ESR1: variants seen among roughly 807,000 people sequenced by gnomAD.
ESR1 encodes the protein estrogen receptor 1, also known as estrogen receptor.
In ESR1, 12 loss-of-function variants were observed where a neutral mutation model predicts 52.7. The observed-to-expected ratio is 0.23, with a 90% CI of 0.15 to 0.37. ESR1 has a LOEUF of 0.37. ESR1 is among the 10% of genes least tolerant of loss of function. The probability of loss-of-function intolerance (pLI) is 1.00; values close to 1 mark genes in which losing one functional copy is unlikely to be tolerated. For synonymous variants in ESR1, 305 were observed against 316.8 expected, an observed-to-expected ratio of 0.96 and a Z score of 0.39; for missense variants, 584 against 779.7, an observed-to-expected ratio of 0.75 and a Z score of 2.99.
intron 3 of ESR1, among the ~76,000 whole-genome samples, chr6:151,907,040 T>C (rs1357545661): frequency 1.3e-5 from 2 of 151,982 alleles, no homozygotes; most frequent in Non-Finnish European, 2.9e-5. Context: ...GCTACCTCCA[T>C]TAGGCATGAA....
At chr6:152,036,367 A>G (rs2045308571) in intron 5 of ESR1, among the ~76,000 whole-genome samples, 1 of 152,218 alleles carries the variant, frequency 6.6e-6, no homozygotes, top group Non-Finnish European at 1.5e-5. Context: ...CTCAAAAAAC[A>G]AAAACAAAAA....
intron 5 of ESR1, among the ~76,000 whole-genome samples, chr6:152,032,877 C>A (rs1021237395): frequency 3.9e-5 from 6 of 152,290 alleles, no homozygotes; most frequent in African/African-American, 1.4e-4. Context: ...ATCATGCTAC[C>A]TGACTTCAAA....
chr6:152,113,594 G>A (rs1205918164), intron 6 of ESR1, among the ~76,000 whole-genome samples: 1 of 152,134 alleles, frequency 6.6e-6, no homozygotes, highest in Non-Finnish European at 1.5e-5. Context: ...GTGTGTGTGT[G>A]TGTGTTTAAC....
At chr6:151,828,948 T>C (rs1438454544) in intron 1 of ESR1, among the ~76,000 whole-genome samples, 2 of 152,272 alleles carry the variant, frequency 1.3e-5, no homozygotes, top group East Asian at 3.9e-4. Context: ...TACTGTAGGG[T>C]GGATAGGAAA....
intron 1 of ESR1, among the ~76,000 whole-genome samples, chr6:151,822,940 A>G (rs528996183): frequency 3.9e-5 from 6 of 152,200 alleles, no homozygotes; most frequent in Non-Finnish European, 5.9e-5. Flanking sequence ...ATGATTTCCT[A>G]TTGTCCTGAG....
chr6:152,004,591 A>G (rs1310965567), intron 4 of ESR1, among the ~76,000 whole-genome samples: 2 of 152,004 alleles, frequency 1.3e-5, no homozygotes, highest in South Asian at 2.1e-4. Flanking sequence ...ATTATCATAA[A>G]CAATCCTGTT....
At chr6:152,113,164 G>A (rs371124011) in intron 6 of ESR1, 11 of 152,470 alleles carry the variant, frequency 7.2e-5, no homozygotes, top group African/African-American at 2.4e-4. Flanking sequence ...CAGGGCCAAA[G>A]AGTAAGTAGT....
chr6:151,724,761 C>T lies in ESR1; in HGVS notation c.-71+22756C>T, dbSNP rs547245746. Among the ~76,000 whole-genome samples, 8 of 152,264 alleles carry T rather than the reference C, an allele frequency of 5.3e-5. No individual in the cohort carries two copies. The East Asian group carries it at 7.7e-4, about 15-fold the overall frequency. ...TGTGAGGTGGGGGAAATTCGCCCAG[C>T]GTTAATAGTGTTAGTGGTTGTCCTG... is the stretch of plus-strand genomic sequence containing the variant. On this transcript the variant is annotated intron_variant, in intron 2 of 2. Coordinates refer to the ESR1 transcript ENST00000404742.
chr6:152,032,255 A>G (rs2044787285), intron 5 of ESR1, among the ~76,000 whole-genome samples: 1 of 151,944 alleles, frequency 6.6e-6, no homozygotes, highest in Non-Finnish European at 1.5e-5. Context: ...CTCTCTCACC[A>G]CTCCTATTCA....
rs1172047540 is a variant in ESR1, at chr6:151,808,105, G to A, written c.193G>A (p.Ala65Thr). 1.2e-6 allele frequency: 2 copies of A among 1,611,370 alleles called. No individual in the cohort carries two copies. Among genetic ancestry groups the A allele is most frequent in the Admixed American group, 1.7e-5 (1 of 59,886 alleles). The change falls in exon 1 of 8, where the codon GCG becomes ACG. Residue 65 changes from alanine (A) to threonine (T), a missense_variant. Ala to Thr is a moderately conservative substitution (Grantham distance 58, BLOSUM62 0). This residue lies in a region of ESR1 where 251 missense variants were observed against 246.1 expected (regional missense o/e 1.02). Coordinates refer to ENST00000206249, the MANE Select transcript of ESR1 (RefSeq NM_000125.4). ...PEGAAYEFNA[A>T]AAANAQVYGQ... is the part of the protein sequence containing the mutation. ...GGGCGCCGCCTACGAGTTCAACGCC[G>A]CGGCCGCCGCCAACGCGCAGGTCTA...
intron 4 of ESR1, 37 bp downstream of exon 4, chr6:151,944,545 C>T (rs2128530349): frequency 1.9e-6 from 3 of 1,574,558 alleles, no homozygotes; most frequent in East Asian, 2.2e-5. Flanking sequence ...GAGTCAATAG[C>T]TTTTCAAGAA....
In ESR1 at chr6:151,808,011, C is replaced by CCCCCTGGAGCGG; in HGVS notation, c.107_118dup (p.Glu36_Leu39dup). ...CCCTGAACCGTCCGCAGCTCAAGAT[C>CCCCCTGGAGCGG]CCCCTGGAGCGGCCCCTGGGCGAGG... On this transcript the variant is annotated inframe_insertion, in exon 1 of 8. Transcript: ENST00000206249. The CCCCCTGGAGCGG allele has an allele frequency of 3.1e-6, 5 of 1,613,912 alleles. No homozygotes were observed. The highest frequency in any genetic ancestry group is 4.2e-6 in the Non-Finnish European group (5 of 1,179,958).
intron 5 of ESR1, among the ~76,000 whole-genome samples, chr6:152,049,235 G>A (rs1270682779): frequency 6.6e-6 from 1 of 152,182 alleles, no homozygotes; most frequent in East Asian, 1.9e-4. Context: ...TCTGACAGAA[G>A]CATCTGTAAT....
At chr6:151,726,940 G>A (rs187775676) in intron 2 of ESR1, among the ~76,000 whole-genome samples, 41 of 152,088 alleles carry the variant, frequency 2.7e-4, no homozygotes, top group African/African-American at 7.7e-4. Context: ...ACTCCTGATC[G>A]CAGGGCAGCA....
At chr6:151,752,412 T>C (rs953069977) in intron 2 of ESR1, among the ~76,000 whole-genome samples, 1 of 152,086 alleles carries the variant, frequency 6.6e-6, no homozygotes, top group African/African-American at 2.4e-5. Flanking sequence ...TTAAATACTG[T>C]TTTATCAGTT....
At chr6:152,056,860 T>C (rs1394584588) in intron 5 of ESR1, among the ~76,000 whole-genome samples, 4 of 152,128 alleles carry the variant, frequency 2.6e-5, no homozygotes, top group Non-Finnish European at 1.5e-5. Flanking sequence ...GTGCTTCCTT[T>C]AAAAATAAAT....
intron 3 of ESR1, among the ~76,000 whole-genome samples, chr6:151,932,991 A>G (rs2033874258): frequency 6.6e-6 from 1 of 152,076 alleles, no homozygotes; most frequent in African/African-American, 2.4e-5. Context: ...TTCTGTGAAG[A>G]AAGATATTGG....
At chr6:151,835,472 T>C (rs1783172911) in intron 1 of ESR1, among the ~76,000 whole-genome samples, 1 of 152,062 alleles carries the variant, frequency 6.6e-6, no homozygotes, top group African/African-American at 2.4e-5. Context: ...GGAACGGAAG[T>C]GGAGTGGTTG....
chr6:151,945,440 G>C (rs1327970597), intron 4 of ESR1, among the ~76,000 whole-genome samples: 1 of 152,180 alleles, frequency 6.6e-6, no homozygotes, highest in African/African-American at 2.4e-5. Context: ...TCCTTCAGTT[G>C]ATTCTCTCAG....
Sources: allele counts gnomAD v4.1 joint callset (sites outside exome capture counted in the v4.1 genomes callset), GRCh38; gene constraint gnomAD v4.1.1; regional missense constraint gnomAD v4.1.1; transcripts MANE v1.5; gene names NCBI Gene and HGNC (gene_info 2026-07-23, HGNC 2026-07-21).